Variants in ROBO2 observed in about 807,000 individuals in gnomAD.
The protein encoded by ROBO2 is roundabout homolog 2.
In ROBO2, 53 loss-of-function variants were observed where a neutral mutation model predicts 160.8. The ratio of observed to expected loss-of-function variants is 0.33; its 90% CI spans 0.26 to 0.41. The LOEUF is 0.41. Ranked by LOEUF, ROBO2 falls within the 10% of genes least tolerant of loss-of-function variation. The probability of loss-of-function intolerance (pLI) is 1.00; values close to 1 mark genes in which losing one functional copy is unlikely to be tolerated. For missense variants in ROBO2, 1,577 were observed against 1,722.4 expected (o/e 0.92, Z 1.49); for synonymous variants, 664 against 611.7 (o/e 1.09, Z -1.26).
chr3:76,652,919 A>G (rs1468005531), intron 2 of ROBO2, among the ~76,000 whole-genome samples: 2 of 152,128 alleles, frequency 1.3e-5, no homozygotes, highest in Non-Finnish European at 2.9e-5. Flanking sequence ...TTTTCTACAT[A>G]TGGGACCTAT....
intron 2 of ROBO2, among the ~76,000 whole-genome samples, chr3:77,367,211 A>G (rs1203120636): frequency 6.6e-6 from 1 of 152,130 alleles, no homozygotes; most frequent in Non-Finnish European, 1.5e-5. Flanking sequence ...ATGTGAATAT[A>G]TATATTAAAA....
At position 76,645,524 on chromosome 3, in the gene ROBO2, T is replaced by C. The variant is rs146785434; in HGVS notation, c.110-452490T>C. ...CTTCCCTTTCAGAATTTTTCCAGTC[T>C]ATATGAATGTAAGTGTTATAAGGAA... is the stretch of plus-strand genomic sequence containing the variant. On this transcript the variant is annotated intron_variant, in intron 2 of 26. Transcript: ENST00000487694. Among the ~76,000 whole-genome samples, 64 of 152,264 alleles carry C rather than the reference T, an allele frequency of 4.2e-4. No individual in the cohort carries two copies. The East Asian group carries it at 0.011, about 27-fold the overall frequency.
In ROBO2 at chr3:77,285,262, G is replaced by GTGTTCTTCTTGTAAGC. The variant is rs2060503915; in HGVS notation, c.388+186922_388+186923insTGTTCTTCTTGTAAGC. On this transcript the variant is annotated intron_variant, in intron 2 of 25. Transcript: ENST00000461745. ...CGACTTCATTGGCCAGAACACTTAT[G>GTGTTCTTCTTGTAAGC]ATTTGTACATTTCACTGTAGGTGTA... Among the ~76,000 whole-genome samples the GTGTTCTTCTTGTAAGC allele has an allele frequency of 2.0e-5, 3 of 152,036 alleles. No individual in the cohort carries two copies. In the South Asian group the frequency reaches 6.2e-4, roughly 32 times the overall value.
At chr3:77,191,268 AC>A (rs2081820764) in intron 2 of ROBO2, among the ~76,000 whole-genome samples, 1 of 152,124 alleles carries the variant, frequency 6.6e-6, no homozygotes, top group African/African-American at 2.4e-5. Context: ...TTGTAAGTTT[AC>A]CATGAAAACA....
At chr3:76,342,806 TATAG>T (rs1172874415) in intron 2 of ROBO2, among the ~76,000 whole-genome samples, 1 of 152,032 alleles carries the variant, frequency 6.6e-6, no homozygotes, top group Non-Finnish European at 1.5e-5. Flanking sequence ...TAATAGTAGG[TATAG>T]ATAGATTAAT....
intron 2 of ROBO2, among the ~76,000 whole-genome samples, chr3:76,142,565 A>G (rs1434297336): frequency 6.6e-6 from 1 of 152,042 alleles, no homozygotes; most frequent in East Asian, 1.9e-4. Context: ...AGGCACAGAA[A>G]GACAGACATC....
At position 76,440,329 on chromosome 3, in the gene ROBO2, C is replaced by T. The variant is rs572846009; in HGVS notation, c.109+502727C>T. ...GGTTTGTTACATATGTATACATGTG[C>T]CATGTTGGTGTGCTGCACCCATTAA... On this transcript the variant is annotated intron_variant, in intron 2 of 26. Coordinates refer to the ROBO2 transcript ENST00000487694. Among the ~76,000 whole-genome samples, 28 of 151,956 alleles carry T rather than the reference C, an allele frequency of 1.8e-4. 1 individual carries two copies. The East Asian group carries it at 4.6e-3, about 25-fold the overall frequency.
At chr3:76,967,115 A>G (rs1254070545) in intron 2 of ROBO2, among the ~76,000 whole-genome samples, 1 of 152,214 alleles carries the variant, frequency 6.6e-6, no homozygotes, top group Non-Finnish European at 1.5e-5. Flanking sequence ...TTACAGACGC[A>G]GATACACATG....
chr3:77,411,811 T>C (rs2076826326), intron 2 of ROBO2, among the ~76,000 whole-genome samples: 1 of 152,206 alleles, frequency 6.6e-6, no homozygotes, highest in Non-Finnish European at 1.5e-5. Context: ...GAGACAGGTA[T>C]GAGCATGGCA....
At chr3:77,636,072 C>A (rs914055952) in intron 24 of ROBO2, among the ~76,000 whole-genome samples, 4 of 152,076 alleles carry the variant, frequency 2.6e-5, no homozygotes, top group African/African-American at 7.2e-5. Flanking sequence ...GAGGACTCCA[C>A]CCTCATCATC....
chr3:77,467,619 C>CTATG (rs938892995), intron 2 of ROBO2, among the ~76,000 whole-genome samples: 1 of 150,344 alleles, frequency 6.7e-6, no homozygotes, highest in Non-Finnish European at 1.5e-5. Context: ...ATCTATCTAT[C>CTATG]TATCTATCTA....
chr3:76,593,607 T>C (rs1469637024), intron 2 of ROBO2, among the ~76,000 whole-genome samples: 1 of 152,096 alleles, frequency 6.6e-6, no homozygotes, highest in Non-Finnish European at 1.5e-5. Context: ...GTTTCCATCA[T>C]GATTTTTCAG....
intron 2 of ROBO2, among the ~76,000 whole-genome samples, chr3:76,702,821 G>C (rs1050721111): frequency 6.6e-6 from 1 of 152,036 alleles, no homozygotes; most frequent in Admixed American, 6.6e-5. Flanking sequence ...TGCTAGATTC[G>C]AGAAGGTAAG....
intron 2 of ROBO2, among the ~76,000 whole-genome samples, chr3:76,558,417 G>A (rs1322330066): frequency 6.6e-6 from 1 of 152,002 alleles, no homozygotes; most frequent in Non-Finnish European, 1.5e-5. Context: ...GAAGTTATAA[G>A]CTATTCAAGC....
chr3:76,019,270 T>C (rs1175078078), intron 2 of ROBO2, among the ~76,000 whole-genome samples: 1 of 151,770 alleles, frequency 6.6e-6, no homozygotes, highest in Admixed American at 6.6e-5. Flanking sequence ...GGTTAAGTTT[T>C]CTCTGAAGTT....
intron 2 of ROBO2, among the ~76,000 whole-genome samples, chr3:76,346,908 A>G (rs993474721): frequency 6.6e-6 from 1 of 152,174 alleles, no homozygotes; most frequent in Non-Finnish European, 1.5e-5. Context: ...AATTGAGAAT[A>G]AAAGCATAAT....
At chr3:76,815,498 A>G (rs932073492) in intron 2 of ROBO2, among the ~76,000 whole-genome samples, 2 of 152,108 alleles carry the variant, frequency 1.3e-5, no homozygotes, top group South Asian at 4.1e-4. Context: ...TTGATTAAAA[A>G]TATTGTACCC....
At chr3:76,105,158 A>G (rs1004480757) in intron 2 of ROBO2, among the ~76,000 whole-genome samples, 1 of 152,078 alleles carries the variant, frequency 6.6e-6, no homozygotes, top group Admixed American at 6.6e-5. Context: ...CAAACAATGA[A>G]AAATCAATTT....
intron 2 of ROBO2, among the ~76,000 whole-genome samples, chr3:76,408,500 A>C (rs1006680357): frequency 1.4e-4 from 22 of 152,272 alleles, no homozygotes; most frequent in African/African-American, 5.3e-4. Flanking sequence ...CCTTACAAAA[A>C]GTATCTCATT....
Sources: gnomAD v4.1 joint callset for allele counts (sites outside exome capture counted in the v4.1 genomes callset) on GRCh38, gnomAD v4.1.1 for gene constraint, MANE v1.5 for transcripts, NCBI Gene and HGNC (gene_info 2026-07-23, HGNC 2026-07-21) for gene names.